The following OLA1 variants were observed in gnomAD, a reference collection of about 807,000 sequenced individuals.
OLA1 encodes obg-like ATPase 1.
In OLA1, 14 loss-of-function variants were observed where a neutral mutation model predicts 48.4. That is an observed-to-expected ratio of 0.29 (90% CI 0.19 to 0.45). The LOEUF is 0.45. Ranked by LOEUF, OLA1 falls within the 20% of genes least tolerant of loss-of-function variation. The probability of loss-of-function intolerance (pLI) is 1.00; values close to 1 mark genes in which losing one functional copy is unlikely to be tolerated. For synonymous variants in OLA1, 127 were observed against 150.4 expected, an observed-to-expected ratio of 0.84 and a Z score of 1.14; for missense variants, 325 against 467.1, an observed-to-expected ratio of 0.70 and a Z score of 2.80.
At chr2:174,234,363 A>T (rs988746261) in intron 2 of OLA1, among the ~76,000 whole-genome samples, 1 of 152,208 alleles carries the variant, frequency 6.6e-6, no homozygotes, top group African/African-American at 2.4e-5. Context: ...TTAGTAGTTA[A>T]GTTTTGGGGG....
chr2:174,194,828 T>C (rs1346624144), intron 4 of OLA1, among the ~76,000 whole-genome samples: 2 of 152,188 alleles, frequency 1.3e-5, no homozygotes, highest in African/African-American at 4.8e-5. Flanking sequence ...GCTTGTTGAT[T>C]ATAAAGAATA....
intron 4 of OLA1, among the ~76,000 whole-genome samples, chr2:174,180,233 A>C (rs2105412937): frequency 6.6e-6 from 1 of 152,308 alleles, no homozygotes; most frequent in Non-Finnish European, 1.5e-5. Flanking sequence ...TTTATGTGGA[A>C]AACTATTAAT....
chr2:174,141,722 A>G (rs1686451401), intron 5 of OLA1, 103 bp downstream of exon 5: 1 of 941,036 alleles, frequency 1.1e-6, no homozygotes, highest in Admixed American at 2.9e-5. Context: ...TTGGCTTCTA[A>G]AATTCCATAA....
intron 7 of OLA1, among the ~76,000 whole-genome samples, chr2:174,101,097 C>T (rs1685386787): frequency 2.0e-5 from 3 of 152,108 alleles, no homozygotes; most frequent in East Asian, 1.9e-4. Flanking sequence ...AATGAAAACG[C>T]CAATTTTCCA....
At chr2:174,189,713 C>G (rs1418011789) in intron 4 of OLA1, among the ~76,000 whole-genome samples, 1 of 152,092 alleles carries the variant, frequency 6.6e-6, no homozygotes, top group Non-Finnish European at 1.5e-5. Flanking sequence ...AAATGGGAAA[C>G]TTGAATATCT....
At chr2:174,216,140 A>C (rs74443741) in intron 4 of OLA1, among the ~76,000 whole-genome samples, 8 of 151,844 alleles carry the variant, frequency 5.3e-5, no homozygotes, top group South Asian at 2.1e-4. Flanking sequence ...ACAAAAAAAA[A>C]CATATATATA....
intron 4 of OLA1, among the ~76,000 whole-genome samples, chr2:174,143,211 TTAAG>T (rs1686499179): frequency 6.6e-6 from 1 of 152,140 alleles, no homozygotes; most frequent in East Asian, 1.9e-4. Context: ...AAAGCAATAT[TTAAG>T]TTTTTTGCAT....
intron 7 of OLA1, among the ~76,000 whole-genome samples, chr2:174,118,628 C>G (rs1473832098): frequency 2.0e-5 from 3 of 152,100 alleles, no homozygotes; most frequent in Non-Finnish European, 4.4e-5. Context: ...TTTTATATAA[C>G]TTTTCCTGTT....
chr2:174,100,466 A>G (rs1685366294), intron 7 of OLA1, among the ~76,000 whole-genome samples: 1 of 152,062 alleles, frequency 6.6e-6, no homozygotes, highest in African/African-American at 2.4e-5. Flanking sequence ...GTGCAGTGGC[A>G]CAATCATGGT....
intron 5 of OLA1, among the ~76,000 whole-genome samples, chr2:174,128,749 AAT>A (rs1357860688): frequency 2.0e-5 from 3 of 150,312 alleles, no homozygotes; most frequent in African/African-American, 5.0e-5. Flanking sequence ...AAAAAAAAAA[AAT>A]AAAATAAAAT....
intron 7 of OLA1, among the ~76,000 whole-genome samples, chr2:174,112,876 C>T (rs894056925): frequency 2.0e-5 from 3 of 152,242 alleles, no homozygotes; most frequent in South Asian, 2.1e-4. Flanking sequence ...CAAACTAACA[C>T]GTGATATTCT....
chr2:174,106,286 TAA>T (rs1470753019), intron 7 of OLA1, among the ~76,000 whole-genome samples: 1 of 152,124 alleles, frequency 6.6e-6, no homozygotes, highest in Non-Finnish European at 1.5e-5. Flanking sequence ...ATCTCATATA[TAA>T]ATAAGTAAAT....
chr2:174,211,178 ACAACAC>A (rs1688233001), intron 4 of OLA1, among the ~76,000 whole-genome samples: 1 of 78,352 alleles, frequency 1.3e-5, no homozygotes, highest in Admixed American at 1.6e-4. Context: ...CCTCCTCCCC[ACAACAC>A]ACACACACAC....
At chr2:174,126,054 G>A (rs768960403) in intron 5 of OLA1, among the ~76,000 whole-genome samples, 1 of 152,052 alleles carries the variant, frequency 6.6e-6, no homozygotes, top group Non-Finnish European at 1.5e-5. Flanking sequence ...TTGCTTTTCA[G>A]ATAAGACTAT....
rs191938912 is a variant in OLA1 at position 174,206,149 on chromosome 2, C to T, written c.373+16884G>A. Among the ~76,000 whole-genome samples the T allele has an allele frequency of 1.6e-3, 241 of 152,230 alleles. 3 individuals carry two copies. Among genetic ancestry groups the T allele is most frequent in the African/African-American group, 5.5e-3 (227 of 41,564 alleles). ...CATTCATCCAAGTTACATATAACAA[C>T]AAGTGCCTTCATTTTCAAAACCAAA... On this transcript the variant is annotated intron_variant, in intron 4 of 10. Coordinates refer to ENST00000284719, the MANE Select transcript of OLA1 (RefSeq NM_013341.5).
intron 7 of OLA1, among the ~76,000 whole-genome samples, chr2:174,116,980 A>G (rs145385248): frequency 6.6e-6 from 1 of 152,348 alleles, no homozygotes; most frequent in East Asian, 1.9e-4. Context: ...ATGTAAACAA[A>G]GAATGATTTA....
intron 4 of OLA1, among the ~76,000 whole-genome samples, chr2:174,205,366 T>TAA (rs1688088266): frequency 6.6e-6 from 1 of 151,740 alleles, no homozygotes; most frequent in African/African-American, 2.4e-5. Context: ...CTAATACTTT[T>TAA]AAATATACTT....
intron 7 of OLA1, among the ~76,000 whole-genome samples, chr2:174,097,796 CCACTTG>C (rs1685292983): frequency 6.6e-6 from 1 of 152,076 alleles, no homozygotes; most frequent in Non-Finnish European, 1.5e-5. Flanking sequence ...ATGACAGAAC[CCACTTG>C]CACAGACATC....
chr2:174,085,347 C>T (rs190604445), intron 7 of OLA1, among the ~76,000 whole-genome samples: 61 of 152,284 alleles, frequency 4.0e-4, no homozygotes, highest in Non-Finnish European at 7.2e-4. Context: ...AGCCCTGCCT[C>T]GTGTCAGATC....
Sources: allele counts gnomAD v4.1 joint callset (sites outside exome capture counted in the v4.1 genomes callset), GRCh38; gene constraint gnomAD v4.1.1; transcripts MANE v1.5; gene names NCBI Gene and HGNC (gene_info 2026-07-23, HGNC 2026-07-21).